PCDHA5: variants seen among roughly 807,000 people sequenced by gnomAD.
PCDHA5 encodes the protein protocadherin alpha-5.
In PCDHA5, 43 loss-of-function variants were observed where a neutral mutation model predicts 61.6. The observed-to-expected ratio is 0.70, with a 90% CI of 0.55 to 0.90. PCDHA5 has a LOEUF of 0.90. Among genes scored for constraint, PCDHA5 ranks in the 40% least tolerant of loss-of-function variants. PCDHA5 has a pLI of 0.00. For missense variants in PCDHA5, 1,298 were observed against 1,222.7 expected, an observed-to-expected ratio of 1.06 and a Z score of -0.92; for synonymous variants, 627 against 543.9, an observed-to-expected ratio of 1.15 and a Z score of -2.13.
intron 1 of PCDHA5, among the ~76,000 whole-genome samples, chr5:140,903,538 C>G (rs562932214): frequency 7.9e-5 from 12 of 152,208 alleles, no homozygotes; most frequent in African/African-American, 2.6e-4. Context: ...TAAACTAGAG[C>G]AAGAAACTTT....
chr5:140,866,357 A>G (rs1397788324), intron 1 of PCDHA5: 1 of 152,156 alleles, frequency 6.6e-6, no homozygotes, highest in Non-Finnish European at 1.5e-5. Flanking sequence ...AATGTTTACA[A>G]TATTGCATAC....
At chr5:140,901,033 T>C (rs2153472378) in intron 1 of PCDHA5, among the ~76,000 whole-genome samples, 1 of 152,364 alleles carries the variant, frequency 6.6e-6, no homozygotes, top group South Asian at 2.1e-4. Flanking sequence ...TTCAACTCTT[T>C]TGCCCATTTT....
At chr5:140,882,301 G>T in intron 1 of PCDHA5, 1 of 1,613,800 alleles carries the variant, frequency 6.2e-7, no homozygotes, top group Non-Finnish European at 8.5e-7. Context: ...GCCCAAGACC[G>T]CGGCAACTAC....
chr5:140,841,339 A>T, intron 1 of PCDHA5: 1 of 1,610,480 alleles, frequency 6.2e-7, no homozygotes, highest in Non-Finnish European at 8.5e-7. Flanking sequence ...ATCACTGGCG[A>T]GGAGAGCTGG....
chr5:140,976,623 A>T (rs2096725019), intron 1 of PCDHA5, among the ~76,000 whole-genome samples: 1 of 152,206 alleles, frequency 6.6e-6, no homozygotes, highest in Non-Finnish European at 1.5e-5. Context: ...CTGTCAGCTG[A>T]ACTCAGCAAT....
At chr5:140,824,673 T>C (rs1393313065) in intron 1 of PCDHA5, 1 of 143,292 alleles carries the variant, frequency 7.0e-6, no homozygotes, top group Non-Finnish European at 1.5e-5. Flanking sequence ...TTGCCCAGGC[T>C]GGTCTTGAAC....
At chr5:140,841,789 C>A (rs2150322679) in intron 1 of PCDHA5, 20 of 1,613,730 alleles carry the variant, frequency 1.2e-5, no homozygotes, top group Non-Finnish European at 1.6e-5. Context: ...CGCTAGAGGG[C>A]GCGTCCGATG....
At chr5:140,914,033 G>A (rs1192515722) in intron 1 of PCDHA5, among the ~76,000 whole-genome samples, 1 of 152,138 alleles carries the variant, frequency 6.6e-6, no homozygotes, top group Non-Finnish European at 1.5e-5. Context: ...GTGCTGAGAA[G>A]AATGTGTATT....
chr5:140,836,528 G>A, intron 1 of PCDHA5: 2 of 1,613,816 alleles, frequency 1.2e-6, no homozygotes, highest in Non-Finnish European at 8.5e-7. Context: ...TGCTTACCCT[G>A]CTGCTGTACA....
intron 1 of PCDHA5, chr5:140,856,806 A>G: frequency 1.3e-6 from 2 of 1,595,552 alleles, no homozygotes; most frequent in African/African-American, 1.3e-5. Context: ...ATGTATGAAA[A>G]TCAAGTGAAC....
At chr5:140,953,959 C>T (rs2094958753) in intron 1 of PCDHA5, among the ~76,000 whole-genome samples, 1 of 152,044 alleles carries the variant, frequency 6.6e-6, no homozygotes, top group South Asian at 2.1e-4. Flanking sequence ...CAACAGGCCC[C>T]AGTGTGTGTT....
chr5:140,830,469 A>G, intron 1 of PCDHA5: 1 of 1,570,730 alleles, frequency 6.4e-7, no homozygotes, highest in Non-Finnish European at 8.7e-7. Flanking sequence ...GATTTAAATG[A>G]AGATCATGAT....
At position 140,852,588 on chromosome 5, in the gene PCDHA5, T is replaced by G. The variant is rs2150519378; in HGVS notation, c.2352+28461T>G. 150 of 881,406 alleles carry G rather than the reference T, an allele frequency of 1.7e-4. 16 individuals are homozygous for G. The highest frequency in any genetic ancestry group is 2.0e-4 in the Non-Finnish European group (145 of 723,694). 54.6% of individuals were successfully genotyped at this position (881,406 alleles called of 1,614,324 possible). A position where few individuals can be genotyped will look rare whatever the true frequency, so the allele number is the denominator to read the frequency against. On this transcript the variant is annotated intron_variant, in intron 1 of 3. Transcript: ENST00000529859. ...ACTGTGCCAAGGCTTTTTTATTTTT[T>G]TTTTTTGTCATTTTCTTTCAAAACT...
chr5:140,821,781 A>G lies in PCDHA5; in HGVS notation c.6A>G (p.Val2=), dbSNP rs2150110654. Residue 2 remains valine, a synonymous_variant, in exon 1 of 4, where the codon GTA becomes GTG. Coordinates refer to ENST00000529859, the MANE Select transcript of PCDHA5 (RefSeq NM_018908.3). Reference sequence around the variant, plus strand: ...ATAATTGGAACGAGATTGAGATGGTATATTCCCGGAGAGGAAGTCTGGGAT... The same window carrying G: ...ATAATTGGAACGAGATTGAGATGGTGTATTCCCGGAGAGGAAGTCTGGGAT... M[V]YSRRGSLGSR... 2 of 1,609,938 alleles carry G rather than the reference A, an allele frequency of 1.2e-6. No individual in the cohort carries two copies. Among genetic ancestry groups the G allele is most frequent in the East Asian group, 2.2e-5 (1 of 44,878 alleles).
At chr5:140,969,556 C>A in intron 1 of PCDHA5, 1 of 1,210,690 alleles carries the variant, frequency 8.3e-7, no homozygotes, top group Non-Finnish European at 1.1e-6. Flanking sequence ...AAGCCTTGTC[C>A]ATAAAATTGT....
chr5:140,927,150 G>GT, intron 1 of PCDHA5: 1 of 1,614,134 alleles, frequency 6.2e-7, no homozygotes, highest in Non-Finnish European at 8.5e-7. Context: ...GCGAACAGCT[G>GT]TGCAGGGCCA....
intron 1 of PCDHA5, chr5:140,851,591 T>C: frequency 1.1e-6 from 1 of 917,932 alleles, no homozygotes. Context: ...TTTTTTGAAA[T>C]TCAGTTTACA....
intron 1 of PCDHA5, chr5:140,827,843 C>A: frequency 2.2e-6 from 1 of 460,554 alleles, no homozygotes; most frequent in East Asian, 3.5e-5. Context: ...AAAGAAGATA[C>A]TGTTTTAAAA....
Position 140,838,464 on chromosome 5 carries a change from C to T in PCDHA5, c.2352+14337C>T, listed in dbSNP as rs2150289742. Among the ~76,000 whole-genome samples the T allele has an allele frequency of 1.1e-4, 16 of 151,566 alleles. 1 individual carries two copies. In the South Asian group the frequency reaches 2.5e-3, roughly 24 times the overall value. ...GTTTTGTGGCATATTATTTCATTAG[C>T]GCTTATTCCTTGTTTTTGATTATTT... is the stretch of plus-strand genomic sequence containing the variant. On this transcript the variant is annotated intron_variant, in intron 1 of 3. Coordinates refer to ENST00000529859, the MANE Select transcript of PCDHA5 (RefSeq NM_018908.3).
Sources: allele counts gnomAD v4.1 joint callset (sites outside exome capture counted in the v4.1 genomes callset), GRCh38; gene constraint gnomAD v4.1.1; transcripts MANE v1.5; gene names NCBI Gene and HGNC (gene_info 2026-07-23, HGNC 2026-07-21).